Variants in ACAD10 observed in about 807,000 individuals in gnomAD.
The protein encoded by ACAD10 is acyl-CoA dehydrogenase family member 10.
A neutral mutation model predicts 116.8 loss-of-function variants in ACAD10; 112 were observed. The observed-to-expected ratio is 0.96, with a 90% CI of 0.82 to 1.12. ACAD10 has a LOEUF of 1.12. ACAD10 is among the 50% of genes most tolerant of loss of function. The probability of loss-of-function intolerance (pLI) is 0.00; values close to 1 mark genes in which losing one functional copy is unlikely to be tolerated. For missense variants in ACAD10, 1,259 were observed against 1,350.2 expected, an observed-to-expected ratio of 0.93 and a Z score of 1.06; for synonymous variants, 486 against 510.6, an observed-to-expected ratio of 0.95 and a Z score of 0.65.
rs778495104 is a variant in ACAD10, at chr12:111,692,716, GTCAGGAGCTGTTTCCAGTCCC to G, written c.8_28del (p.Val3_Pro10delinsAla). The G allele has an allele frequency of 6.2e-7, 1 of 1,613,644 alleles. No individual in the cohort carries two copies. The highest frequency in any genetic ancestry group is 8.5e-7 in the Non-Finnish European group (1 of 1,179,874). ...ACACAGCCTCAGCCTCACCATGTGTGTCAGGAGCTGTTTCCAGTCCCCCCGTCTCCAGTGGGTGTGGAGAAC... is the reference window on the plus strand; with the variant it reads ...ACACAGCCTCAGCCTCACCATGTGTGCCCGTCTCCAGTGGGTGTGGAGAAC... On this transcript the variant is annotated inframe_deletion, in exon 2 of 21. Transcript: ENST00000313698.
intron 1 of ACAD10, among the ~76,000 whole-genome samples, chr12:111,691,518 C>T (rs1054019561): frequency 6.6e-6 from 1 of 151,680 alleles, no homozygotes; most frequent in African/African-American, 2.4e-5. Context: ...TTTGAGGAAA[C>T]TGCATGTAGA....
chr12:111,726,614 C>T (rs761902309), intron 8 of ACAD10, among the ~76,000 whole-genome samples: 2 of 152,100 alleles, frequency 1.3e-5, no homozygotes, highest in Non-Finnish European at 2.9e-5. Context: ...GTAATCCCAG[C>T]ACTTTGGGAG....
chr12:111,739,996 T>C (rs1243037916), intron 12 of ACAD10, among the ~76,000 whole-genome samples: 1 of 152,132 alleles, frequency 6.6e-6, no homozygotes, highest in Admixed American at 6.5e-5. Context: ...TTTAGAGTTT[T>C]GAAAGAATCC....
At chr12:111,736,203 T>C (rs1378123668) in intron 11 of ACAD10, among the ~76,000 whole-genome samples, 22 of 149,672 alleles carry the variant, frequency 1.5e-4, no homozygotes, top group African/African-American at 5.2e-4. Flanking sequence ...TTTTTTTTTT[T>C]TGAGATGGAG....
rs779419306 is a variant in ACAD10 at position 111,753,866 on chromosome 12, G to T, written c.2912G>T (p.Arg971Leu). 1.2e-6 allele frequency: 2 copies of T among 1,613,024 alleles called. No homozygotes were observed. The highest frequency in any genetic ancestry group is 1.1e-5 in the South Asian group (1 of 91,046). Residue 971 changes from arginine to leucine, a missense_variant, in exon 19 of 21, where the codon CGG becomes CTG. Transcript: ENST00000313698. ...TCGCGCGTGGAGATTGAGCAGGCAC[G>T]GCTGCTGGTGCTGAGAGCTGCCCAC... ...AQSRVEIEQA[R>L]LLVLRAAHLM... is the part of the protein sequence containing the mutation.
rs79290585 is a variant in ACAD10 at position 111,748,839 on chromosome 12, T to C, written c.2645-334T>C. Reference sequence around the variant, plus strand: ...TGGTTTGGTCCGCTCCCAGTTTGGTTCTCTGCTAATAGTGTTCACATTTTT... The same window carrying C: ...TGGTTTGGTCCGCTCCCAGTTTGGTCCTCTGCTAATAGTGTTCACATTTTT... On this transcript the variant is annotated intron_variant, in intron 17 of 20. Coordinates refer to ENST00000313698, the MANE Select transcript of ACAD10 (RefSeq NM_025247.6). The C allele has an allele frequency of 3.3e-3, 2,262 of 692,142 alleles. 68 individuals are homozygous for C. The East Asian group carries it at 0.07, about 21-fold the overall frequency. The allele number at this position is 692,142 out of a possible 1,614,324, so 42.9% of individuals were successfully genotyped here. A position where few individuals can be genotyped will look rare whatever the true frequency, so the allele number is the denominator to read the frequency against.
chr12:111,713,310 CGGGGGG>C (rs1888746179), intron 6 of ACAD10, among the ~76,000 whole-genome samples: 1 of 144,714 alleles, frequency 6.9e-6, no homozygotes. Context: ...GACTCCATCT[CGGGGGG>C]AAAAAAAAAA....
chr12:111,750,585 C>G (rs948287501), intron 18 of ACAD10, among the ~76,000 whole-genome samples: 1 of 152,054 alleles, frequency 6.6e-6, no homozygotes, highest in Non-Finnish European at 1.5e-5. Context: ...GACCCTGTCT[C>G]TTTAAAAATA....
chr12:111,689,137 GCTCTGATCATGC>G (rs897215899), intron 1 of ACAD10, among the ~76,000 whole-genome samples: 3 of 151,762 alleles, frequency 2.0e-5, no homozygotes, highest in Non-Finnish European at 4.4e-5. Flanking sequence ...GTTGCAGTGA[GCTCTGATCATGC>G]CACCGCATTC....
chr12:111,736,698 TA>T, intron 11 of ACAD10, 132 bp from the exon 12 acceptor site: 1 of 833,604 alleles, frequency 1.2e-6, no homozygotes, highest in Non-Finnish European at 1.8e-6. Context: ...AATGCAGGAA[TA>T]AGCTAACCCA....
intron 6 of ACAD10, among the ~76,000 whole-genome samples, chr12:111,715,174 G>A (rs1199151033): frequency 6.6e-6 from 1 of 152,242 alleles, no homozygotes. Flanking sequence ...GAAGAACTCA[G>A]GCCGAGTTCT....
At chr12:111,724,141 G>A (rs2135969097) in intron 8 of ACAD10, among the ~76,000 whole-genome samples, 1 of 150,312 alleles carries the variant, frequency 6.7e-6, no homozygotes, top group East Asian at 2.0e-4. Flanking sequence ...TCACTTTCCA[G>A]ACTGGGCAGC....
chr12:111,689,828 G>C (rs1396760510), intron 1 of ACAD10, among the ~76,000 whole-genome samples: 3 of 151,200 alleles, frequency 2.0e-5, no homozygotes, highest in Admixed American at 1.3e-4. Context: ...CCATTCTCCT[G>C]CCTCAGCCTC....
Position 111,705,860 on chromosome 12 carries a change from A to T in ACAD10, c.459A>T (p.Ala153=). 6.2e-7 allele frequency: 1 copy of T among 1,614,186 alleles called. No individual in the cohort carries two copies. Among genetic ancestry groups the T allele is most frequent in the Non-Finnish European group, 8.5e-7 (1 of 1,180,032 alleles). ...TQIRAKGLQT[A]VLSNNFYLPN... is the part of the protein sequence containing the mutation. ...TTCGGGCAAAAGGTCTTCAGACTGC[A>T]GTCTTGAGCAATAATTTTTATCTTC... The change falls in exon 4 of 21, where the codon GCA becomes GCT. Residue 153 remains alanine, a synonymous_variant. Coordinates refer to ENST00000313698, the MANE Select transcript of ACAD10 (RefSeq NM_025247.6).
intron 18 of ACAD10, among the ~76,000 whole-genome samples, chr12:111,750,383 G>A (rs1023761383): frequency 3.3e-5 from 5 of 150,832 alleles, no homozygotes; most frequent in Admixed American, 6.6e-5. Context: ...GCCTCCCAAT[G>A]TGCTGGGATT....
chr12:111,734,806 G>C (rs1889498946), intron 11 of ACAD10, among the ~76,000 whole-genome samples: 1 of 152,136 alleles, frequency 6.6e-6, no homozygotes, highest in Non-Finnish European at 1.5e-5. Context: ...AAACAAAAAT[G>C]TAACATGATC....
chr12:111,701,651 T>A (rs1236601048), intron 2 of ACAD10, among the ~76,000 whole-genome samples: 1 of 151,944 alleles, frequency 6.6e-6, no homozygotes, highest in Non-Finnish European at 1.5e-5. Context: ...GGTGACTGAG[T>A]GAGGCTTTTT....
intron 11 of ACAD10, 89 bp from the exon 12 acceptor site, chr12:111,736,742 C>A: frequency 1.5e-6 from 2 of 1,377,090 alleles, no homozygotes; most frequent in Non-Finnish European, 2.0e-6. Context: ...TTGCAAGGGA[C>A]ATGGCGATTT....
At chr12:111,710,343 C>T in intron 5 of ACAD10, 1 of 452,156 alleles carries the variant, frequency 2.2e-6, no homozygotes, top group Non-Finnish European at 4.4e-6. Context: ...CCACCTTACC[C>T]TCCCAAAGTG....
Sources: allele counts gnomAD v4.1 joint callset (sites outside exome capture counted in the v4.1 genomes callset), GRCh38; gene constraint gnomAD v4.1.1; transcripts MANE v1.5; gene names NCBI Gene and HGNC (gene_info 2026-07-23, HGNC 2026-07-21).